Variants in PRKAR1B observed in about 807,000 individuals in gnomAD.
PRKAR1B encodes cAMP-dependent protein kinase type I-beta regulatory subunit.
In PRKAR1B, 22 loss-of-function variants were observed where a neutral mutation model predicts 46.5. The ratio of observed to expected loss-of-function variants is 0.47; its 90% CI spans 0.34 to 0.68. The LOEUF (loss-of-function observed/expected upper bound fraction) is 0.68. Among genes scored for constraint, PRKAR1B ranks in the 30% least tolerant of loss-of-function variants. The pLI is 0.01. For synonymous variants in PRKAR1B, 259 were observed against 217.7 expected (o/e 1.19, Z -1.67); for missense variants, 445 against 535.6 (o/e 0.83, Z 1.67).
intron 1 of PRKAR1B, chr7:726,678 C>T (rs1420016491): frequency 8.2e-7 from 1 of 1,213,446 alleles, no homozygotes; most frequent in East Asian, 3.2e-5. Flanking sequence ...CGCTGAGAGT[C>T]GCGAAAGCGC....
At chr7:683,915 A>C (rs1206652665) in intron 2 of PRKAR1B, among the ~76,000 whole-genome samples, 1 of 152,208 alleles carries the variant, frequency 6.6e-6, no homozygotes, top group Non-Finnish European at 1.5e-5. Context: ...TCTGCAGCTG[A>C]TGCCCACCTC....
intron 7 of PRKAR1B, among the ~76,000 whole-genome samples, chr7:592,899 G>A (rs924577169): frequency 4.6e-5 from 7 of 152,028 alleles, no homozygotes; most frequent in Admixed American, 2.0e-4. Flanking sequence ...AGTCAGGCGC[G>A]GTAGCACACG....
rs748546239 is a variant in PRKAR1B at position 607,406 on chromosome 7, T to C, written c.487A>G (p.Thr163Ala). 6.8e-6 allele frequency: 11 copies of C among 1,613,728 alleles called. No homozygotes were observed. Among genetic ancestry groups the C allele is most frequent in the African/African-American group, 1.3e-5 (1 of 74,884 alleles). ...CAGAACGTACCTTGCTGTATAACAG[T>C]CTCCCCAGCGATGTGAGTGACAGGG... is the stretch of plus-strand genomic sequence containing the variant. ...MFPVTHIAGETVIQQGNEGDN... is the reference protein window; with the variant it reads ...MFPVTHIAGEAVIQQGNEGDN... The change falls in exon 5 of 11, where the codon ACT (threonine) becomes GCT (alanine). Residue 163 changes from threonine to alanine, a missense_variant. By Grantham distance (58) the Thr-to-Ala change is moderately conservative. Around this residue, in one of 5 missense-constraint regions of PRKAR1B, gnomAD observed 94 missense variants for 126.9 expected, o/e 0.74. Transcript: ENST00000537384.
chr7:630,659 C>G (rs1005727941), intron 4 of PRKAR1B, among the ~76,000 whole-genome samples: 1 of 152,228 alleles, frequency 6.6e-6, no homozygotes, highest in Non-Finnish European at 1.5e-5. Context: ...CCTGGCCTCA[C>G]TGCCAGGCTC....
intron 1 of PRKAR1B, among the ~76,000 whole-genome samples, chr7:719,912 A>G (rs917606803): frequency 2.0e-5 from 3 of 152,144 alleles, no homozygotes; most frequent in Non-Finnish European, 4.4e-5. Context: ...AATCTTTTAG[A>G]GGTTCGTCCA....
intron 4 of PRKAR1B, among the ~76,000 whole-genome samples, chr7:626,153 A>G (rs1370820105): frequency 6.6e-6 from 1 of 152,222 alleles, no homozygotes; most frequent in African/African-American, 2.4e-5. Flanking sequence ...GCTTGTATCT[A>G]TTAAAGAAGT....
At chr7:584,421 C>T in intron 8 of PRKAR1B, 87 bp downstream of exon 8, 2 of 1,167,966 alleles carry the variant, frequency 1.7e-6, no homozygotes, top group South Asian at 1.3e-5. Flanking sequence ...CAACTGCCAG[C>T]CACGCAGGGA....
intron 4 of PRKAR1B, among the ~76,000 whole-genome samples, chr7:645,764 G>A (rs941190884): frequency 1.3e-5 from 2 of 152,080 alleles, no homozygotes; most frequent in African/African-American, 4.8e-5. Context: ...CTGGGATCCC[G>A]GATGTGCGTC....
At chr7:621,365 C>A (rs1783100149) in intron 4 of PRKAR1B, among the ~76,000 whole-genome samples, 1 of 152,228 alleles carries the variant, frequency 6.6e-6, no homozygotes, top group South Asian at 2.1e-4. Context: ...TTTTCAAAAT[C>A]ATCTCCCAAT....
At chr7:663,789 A>C (rs1785750611) in intron 4 of PRKAR1B, among the ~76,000 whole-genome samples, 2 of 152,076 alleles carry the variant, frequency 1.3e-5, no homozygotes. Context: ...GAGACAGCAC[A>C]CTCACAGCTC....
intron 8 of PRKAR1B, among the ~76,000 whole-genome samples, chr7:580,618 G>A (rs1047426023): frequency 6.6e-5 from 10 of 151,482 alleles, no homozygotes; most frequent in African/African-American, 2.4e-4. Flanking sequence ...TTATCTTTCC[G>A]CCCTTCTCAC....
chr7:582,459 G>A lies in PRKAR1B; in HGVS notation c.769+2049C>T, dbSNP rs541969215. On this transcript the variant is annotated intron_variant, in intron 8 of 10. Coordinates refer to ENST00000537384, the MANE Select transcript of PRKAR1B (RefSeq NM_001164760.2). ...GGAGGACTTTGTGCCGATGCTGACTGGGCAGGAAAAGGGAATCGTGCCTTG... is the reference window on the plus strand; with the variant it reads ...GGAGGACTTTGTGCCGATGCTGACTAGGCAGGAAAAGGGAATCGTGCCTTG... Among the ~76,000 whole-genome samples, 7 of 152,396 alleles carry A rather than the reference G, an allele frequency of 4.6e-5. 1 individual carries two copies. The highest frequency in any genetic ancestry group is 1.7e-4 in the African/African-American group (7 of 41,602).
chr7:722,610 G>A (rs965095495), intron 1 of PRKAR1B, among the ~76,000 whole-genome samples: 2 of 152,180 alleles, frequency 1.3e-5, no homozygotes, highest in African/African-American at 2.4e-5. Flanking sequence ...GACCTCAGGT[G>A]ATCTGCCCGC....
chr7:725,732 G>A (rs530782666), intron 1 of PRKAR1B, among the ~76,000 whole-genome samples: 2 of 152,256 alleles, frequency 1.3e-5, no homozygotes, highest in South Asian at 4.1e-4. Context: ...GCAGCTAGAG[G>A]CCACAAGATT....
intron 4 of PRKAR1B, among the ~76,000 whole-genome samples, chr7:665,836 G>C (rs1487487163): frequency 2.0e-5 from 3 of 152,192 alleles, no homozygotes; most frequent in Non-Finnish European, 4.4e-5. Flanking sequence ...CTGAGGATCC[G>C]AGCCAGTTTG....
intron 4 of PRKAR1B, among the ~76,000 whole-genome samples, chr7:657,891 C>T (rs867613416): frequency 6.0e-4 from 91 of 152,154 alleles, no homozygotes; most frequent in African/African-American, 2.0e-3. Context: ...CCTCATGAAC[C>T]AGCGAGGCTT....
chr7:615,980 AAG>A (rs1188729456), intron 4 of PRKAR1B, among the ~76,000 whole-genome samples: 2 of 146,684 alleles, frequency 1.4e-5, no homozygotes, highest in African/African-American at 2.6e-5. Flanking sequence ...GAAAGAGAGA[AAG>A]AGGGAGAGAG....
Position 550,346 on chromosome 7 carries a change from A to G in PRKAR1B, c.*84T>C. The stretch of plus-strand genomic sequence containing the variant: ...CAGCCCCACCCGGCCCACACCTCAC[A>G]CAGCGGCTCCCGGGCCCCCGACACA... On this transcript the variant is annotated 3_prime_UTR_variant, in exon 11 of 11. Transcript: ENST00000537384. The G allele has an allele frequency of 7.4e-7, 1 of 1,348,812 alleles. No individual in the cohort carries two copies. Among genetic ancestry groups the G allele is most frequent in the Non-Finnish European group, 1.0e-6 (1 of 971,702 alleles). The allele number at this position is 1,348,812 out of a possible 1,614,324, so 83.6% of individuals were successfully genotyped here. A position where few individuals can be genotyped will look rare whatever the true frequency, so the allele number is the denominator to read the frequency against.
At chr7:712,931 G>A (rs1780738459) in intron 1 of PRKAR1B, 1 of 152,544 alleles carries the variant, frequency 6.6e-6, no homozygotes, top group South Asian at 2.1e-4. Flanking sequence ...CTCTGCCTTA[G>A]CGGCCAGAGA....
Sources: gnomAD v4.1 joint callset for allele counts (sites outside exome capture counted in the v4.1 genomes callset) on GRCh38, gnomAD v4.1.1 for gene constraint, gnomAD v4.1.1 regional missense constraint, MANE v1.5 for transcripts, NCBI Gene and HGNC (gene_info 2026-07-23, HGNC 2026-07-21) for gene names.